LINGO2: variants seen among roughly 807,000 people sequenced by gnomAD.
The protein encoded by LINGO2 is leucine rich repeat and Ig domain containing 2, also known as leucine-rich repeat and immunoglobulin-like domain-containing nogo receptor-interacting protein 2.
A neutral mutation model predicts 30.6 loss-of-function variants in LINGO2; 14 were observed. The ratio of observed to expected loss-of-function variants is 0.46; its 90% CI spans 0.30 to 0.72. LINGO2 has a LOEUF of 0.72. Ranked by LOEUF, LINGO2 falls within the 30% of genes least tolerant of loss-of-function variation. LINGO2 has a pLI of 0.07. For missense variants in LINGO2, 729 were observed against 751.7 expected, an observed-to-expected ratio of 0.97 and a Z score of 0.35; for synonymous variants, 317 against 288.5, an observed-to-expected ratio of 1.10 and a Z score of -1.00.
chr9:29,081,681 C>A, the LINGO2 span, among the ~76,000 whole-genome samples: 1 of 152,242 alleles, frequency 6.6e-6, no homozygotes, highest in African/African-American at 2.4e-5. Context: ...ATTTAGAAAA[C>A]CCCATCGTCT....
chr9:28,932,361 C>T, the LINGO2 span, among the ~76,000 whole-genome samples: 44 of 152,112 alleles, frequency 2.9e-4, no homozygotes, highest in East Asian at 8.5e-3. Context: ...TTCCTTCTCT[C>T]TCTGTCCCTT....
At chr9:28,315,387 G>A (rs1824803666) in intron 3 of LINGO2, among the ~76,000 whole-genome samples, 2 of 149,370 alleles carry the variant, frequency 1.3e-5, no homozygotes, top group South Asian at 2.2e-4. Context: ...GGGCGACAGA[G>A]GGAGACTCCG....
chr9:28,348,502 C>G (rs900171148), intron 3 of LINGO2, among the ~76,000 whole-genome samples: 2 of 152,126 alleles, frequency 1.3e-5, no homozygotes, highest in African/African-American at 4.8e-5. Flanking sequence ...GGTCCAATGC[C>G]CACAGAGTCT....
chr9:28,538,443 A>G (rs1821528512), intron 1 of LINGO2, among the ~76,000 whole-genome samples: 1 of 152,098 alleles, frequency 6.6e-6, no homozygotes, highest in Non-Finnish European at 1.5e-5. Context: ...ACAAGTATTA[A>G]ATCATTAAAT....
the LINGO2 span, among the ~76,000 whole-genome samples, chr9:28,821,796 C>A: frequency 6.6e-6 from 1 of 152,152 alleles, no homozygotes; most frequent in Non-Finnish European, 1.5e-5. Context: ...TCTTCTGGTT[C>A]CACATGAAGT....
rs978233794 is a variant in LINGO2 at position 28,064,767 on chromosome 9, G to A, written c.-86-52362C>T. Among the ~76,000 whole-genome samples, 5 of 152,142 alleles carry A rather than the reference G, an allele frequency of 3.3e-5. No individual in the cohort carries two copies. In the South Asian group the frequency reaches 6.2e-4, roughly 19 times the overall value. ...CTCACTTCCTAATTAACCCTTAGAG[G>A]GCTAATCTGCTTGCCCAAACAAAAC... is the stretch of plus-strand genomic sequence containing the variant. On this transcript the variant is annotated intron_variant, in intron 4 of 5. Transcript: ENST00000379992.
At chr9:28,355,864 G>C (rs770046298) in intron 3 of LINGO2, among the ~76,000 whole-genome samples, 2 of 152,134 alleles carry the variant, frequency 1.3e-5, no homozygotes, top group African/African-American at 4.8e-5. Flanking sequence ...TGTTGCCAGC[G>C]TGAGTATCAT....
chr9:28,572,585 A>G (rs111525819), intron 1 of LINGO2, among the ~76,000 whole-genome samples: 2,607 of 152,222 alleles, frequency 0.017, 26 homozygotes, highest in African/African-American at 0.032. Context: ...TAAGTTATAT[A>G]AAATCCACCT....
chr9:28,967,558 G>A, the LINGO2 span, among the ~76,000 whole-genome samples: 1 of 152,084 alleles, frequency 6.6e-6, no homozygotes, highest in African/African-American at 2.4e-5. Context: ...TGCATGGGAT[G>A]ATCATGTTAT....
chr9:28,371,901 A>G (rs1251814396), intron 3 of LINGO2, among the ~76,000 whole-genome samples: 1 of 152,146 alleles, frequency 6.6e-6, no homozygotes, highest in East Asian at 1.9e-4. Context: ...TACCTGTTAG[A>G]ATAGGTGAAG....
intron 4 of LINGO2, among the ~76,000 whole-genome samples, chr9:28,274,355 G>A (rs1455656295): frequency 1.3e-5 from 2 of 151,916 alleles, no homozygotes; most frequent in Non-Finnish European, 2.9e-5. Flanking sequence ...TTTGCTTCTG[G>A]AAATTTAAAA....
intron 1 of LINGO2, among the ~76,000 whole-genome samples, chr9:28,596,615 C>CAACT (rs1487419791): frequency 1.3e-5 from 2 of 152,074 alleles, no homozygotes; most frequent in Non-Finnish European, 2.9e-5. Context: ...CAAGAGAATC[C>CAACT]AACTGTATTT....
intron 5 of LINGO2, among the ~76,000 whole-genome samples, chr9:28,005,988 A>C (rs1485944538): frequency 5.9e-5 from 9 of 152,164 alleles, no homozygotes; most frequent in African/African-American, 2.2e-4. Flanking sequence ...GTAGCATCAG[A>C]ATCATATGAA....
the LINGO2 span, among the ~76,000 whole-genome samples, chr9:29,012,819 T>A: frequency 6.6e-6 from 1 of 152,184 alleles, no homozygotes; most frequent in Non-Finnish European, 1.5e-5. Context: ...CTTTTGTTAG[T>A]TTGATTTGGA....
chr9:28,265,865 G>A (rs1006944510), intron 4 of LINGO2, among the ~76,000 whole-genome samples: 2 of 151,954 alleles, frequency 1.3e-5, no homozygotes, highest in East Asian at 3.9e-4. Context: ...CTGACTTGCT[G>A]TATGCTTTGG....
In LINGO2 at chr9:28,289,699, A is replaced by G. The variant is rs373447998; in HGVS notation, c.-87+5509T>C. ...CTAATGTGTTATCAAAATCTAGGGC[A>G]ATATTCAGAGTTTTGACCTCTAATG... On this transcript the variant is annotated intron_variant, in intron 4 of 5. Coordinates refer to ENST00000379992, the Ensembl canonical transcript of LINGO2. Among the ~76,000 whole-genome samples the G allele has an allele frequency of 2.2e-4, 33 of 152,306 alleles. 2 individuals are homozygous for G. In the South Asian group the frequency reaches 6.8e-3, roughly 32 times the overall value.
At chr9:28,372,896 G>A (rs1444187565) in intron 2 of LINGO2, 28 bp from the exon 5 acceptor site, 1 of 152,074 alleles carries the variant, frequency 6.6e-6, no homozygotes, top group Admixed American at 6.6e-5. Flanking sequence ...CACACAAAAA[G>A]GAAACTGAAA....
chr9:28,904,160 C>G, the LINGO2 span, among the ~76,000 whole-genome samples: 1 of 83,716 alleles, frequency 1.2e-5, no homozygotes, highest in South Asian at 3.4e-4. Context: ...AATTCAGGAT[C>G]CTTTTATGAT....
At chr9:27,954,635 A>C (rs531836548) in intron 5 of LINGO2, among the ~76,000 whole-genome samples, 1 of 152,250 alleles carries the variant, frequency 6.6e-6, no homozygotes, top group African/African-American at 2.4e-5. Flanking sequence ...TGCTACTGTG[A>C]ATAGTGCTGC....
Sources: gnomAD v4.1 joint callset for allele counts (sites outside exome capture counted in the v4.1 genomes callset) on GRCh38, gnomAD v4.1.1 for gene constraint, MANE v1.5 for transcripts, NCBI Gene and HGNC (gene_info 2026-07-23, HGNC 2026-07-21) for gene names.